Variants in CDK14 observed in about 807,000 individuals in gnomAD.
The protein encoded by CDK14 is cyclin-dependent kinase 14.
In CDK14, 34 loss-of-function variants were observed where a neutral mutation model predicts 60.7. The observed-to-expected ratio is 0.56, with a 90% confidence interval of 0.43 to 0.75. The LOEUF is 0.75. CDK14 is among the 30% of genes least tolerant of loss of function. The probability of loss-of-function intolerance (pLI) is 0.00; values close to 1 mark genes in which losing one functional copy is unlikely to be tolerated. For synonymous variants in CDK14, 197 were observed against 203.7 expected, an observed-to-expected ratio of 0.97 and a Z score of 0.28; for missense variants, 482 against 564.1, an observed-to-expected ratio of 0.85 and a Z score of 1.47.
intron 4 of CDK14, among the ~76,000 whole-genome samples, chr7:90,776,084 A>G (rs1300276222): frequency 1.3e-5 from 2 of 152,160 alleles, no homozygotes; most frequent in African/African-American, 4.8e-5. Flanking sequence ...GCCCTTCTCT[A>G]GTAATTTCAA....
At chr7:90,694,256 G>T (rs1801613035) in intron 2 of CDK14, among the ~76,000 whole-genome samples, 1 of 152,132 alleles carries the variant, frequency 6.6e-6, no homozygotes, top group South Asian at 2.1e-4. Context: ...AAAAAGTAAT[G>T]ATTACATTAT....
intron 5 of CDK14, among the ~76,000 whole-genome samples, chr7:90,854,428 A>G (rs1319918740): frequency 6.6e-6 from 1 of 152,178 alleles, no homozygotes; most frequent in East Asian, 1.9e-4. Flanking sequence ...CTGTGGTCCC[A>G]GCTGCTCAGG....
chr7:90,733,997 A>C (rs1297961967), intron 3 of CDK14, among the ~76,000 whole-genome samples: 1 of 152,160 alleles, frequency 6.6e-6, no homozygotes, highest in Non-Finnish European at 1.5e-5. Flanking sequence ...CTTGTAAGGC[A>C]GGCCTGGTGG....
intron 2 of CDK14, among the ~76,000 whole-genome samples, chr7:90,715,682 G>A (rs10281750): frequency 0.91 from 133,036 of 145,440 alleles, 60,926 homozygotes; most frequent in East Asian, 1. Context: ...TTTTTCTAGA[G>A]TAAGAGTTTT....
rs535277409 is a variant in CDK14 at position 90,755,803 on chromosome 7, C to G, written c.464+8028C>G. ...GGGTTGTGCCCCATATTTTAATTTTCTTTCCTAAAGAAAAATAGCAGTACT... is the reference window on the plus strand; with the variant it reads ...GGGTTGTGCCCCATATTTTAATTTTGTTTCCTAAAGAAAAATAGCAGTACT... On this transcript the variant is annotated intron_variant, in intron 4 of 14. Coordinates refer to ENST00000380050, the MANE Select transcript of CDK14 (RefSeq NM_001287135.2). Among the ~76,000 whole-genome samples the G allele has an allele frequency of 5.4e-4, 82 of 152,136 alleles. 1 individual carries two copies. Among genetic ancestry groups the G allele is most frequent in the Non-Finnish European group, 5.9e-5 (4 of 67,978 alleles).
At chr7:90,924,270 C>T (rs1793345405) in intron 8 of CDK14, among the ~76,000 whole-genome samples, 1 of 152,170 alleles carries the variant, frequency 6.6e-6, no homozygotes, top group Non-Finnish European at 1.5e-5. Flanking sequence ...TCTGTGATAA[C>T]CCATTAATAC....
intron 2 of CDK14, among the ~76,000 whole-genome samples, chr7:90,633,397 A>C (rs1186048966): frequency 1.3e-5 from 2 of 152,198 alleles, no homozygotes; most frequent in African/African-American, 2.4e-5. Flanking sequence ...AATTTCTTAG[A>C]TATATGCAAA....
chr7:90,625,278 C>T (rs1461229430), intron 2 of CDK14, among the ~76,000 whole-genome samples: 5 of 152,064 alleles, frequency 3.3e-5, no homozygotes, highest in Non-Finnish European at 2.9e-5. Context: ...AGTGCAAGGC[C>T]GAAGTGAGCT....
chr7:91,084,483 G>C (rs896812040), intron 12 of CDK14, among the ~76,000 whole-genome samples: 1 of 152,204 alleles, frequency 6.6e-6, no homozygotes, highest in East Asian at 1.9e-4. Flanking sequence ...AGAGATGACA[G>C]GCCTGCCTGC....
chr7:91,044,372 T>G (rs1299769197), intron 10 of CDK14, among the ~76,000 whole-genome samples: 1 of 152,130 alleles, frequency 6.6e-6, no homozygotes, highest in Non-Finnish European at 1.5e-5. Context: ...ACCAAAAGGG[T>G]GGAGACCAAG....
intron 2 of CDK14, among the ~76,000 whole-genome samples, chr7:90,696,890 G>A (rs1265370423): frequency 6.6e-6 from 1 of 152,114 alleles, no homozygotes; most frequent in Non-Finnish European, 1.5e-5. Flanking sequence ...ACGGGAGTGT[G>A]GTATTTGGAG....
chr7:91,125,130 G>A (rs1799903277), intron 14 of CDK14, among the ~76,000 whole-genome samples: 1 of 152,048 alleles, frequency 6.6e-6, no homozygotes, highest in Non-Finnish European at 1.5e-5. Context: ...GAGAAGGAAA[G>A]GCAAAAAGAA....
intron 12 of CDK14, among the ~76,000 whole-genome samples, chr7:91,080,295 C>G (rs932868406): frequency 6.6e-6 from 1 of 152,044 alleles, no homozygotes; most frequent in Non-Finnish European, 1.5e-5. Context: ...AAAAAAATAA[C>G]AAAAAACTTT....
intron 7 of CDK14, among the ~76,000 whole-genome samples, chr7:90,904,916 T>G (rs534938298): frequency 6.6e-6 from 1 of 152,286 alleles, no homozygotes; most frequent in Admixed American, 6.5e-5. Flanking sequence ...CTTGAAAATT[T>G]GGACACAGAA....
At chr7:90,719,271 C>T (rs1802360827) in intron 2 of CDK14, among the ~76,000 whole-genome samples, 1 of 152,110 alleles carries the variant, frequency 6.6e-6, no homozygotes, top group Non-Finnish European at 1.5e-5. Context: ...GTCTTTTAAA[C>T]CAATTCTTTT....
At chr7:90,643,766 A>G (rs765542652) in intron 2 of CDK14, among the ~76,000 whole-genome samples, 13 of 152,244 alleles carry the variant, frequency 8.5e-5, no homozygotes, top group Non-Finnish European at 7.3e-5. Flanking sequence ...AGCCAAGCCA[A>G]CAGCCCTACT....
chr7:90,784,618 G>C (rs1292380312), intron 4 of CDK14, among the ~76,000 whole-genome samples: 1 of 152,050 alleles, frequency 6.6e-6, no homozygotes, highest in African/African-American at 2.4e-5. Flanking sequence ...ACTTCTCTCT[G>C]TATTACTTTG....
At chr7:90,952,260 G>C (rs1368834122) in intron 8 of CDK14, among the ~76,000 whole-genome samples, 1 of 152,104 alleles carries the variant, frequency 6.6e-6, no homozygotes, top group South Asian at 2.1e-4. Flanking sequence ...ACTGTCCCGT[G>C]GTTTATTCTG....
At chr7:90,605,018 G>A (rs1799388956) in intron 2 of CDK14, among the ~76,000 whole-genome samples, 1 of 152,178 alleles carries the variant, frequency 6.6e-6, no homozygotes, top group South Asian at 2.1e-4. Context: ...AGGAACATGG[G>A]TGTTATCTAT....
Sources: gnomAD v4.1 joint callset for allele counts (sites outside exome capture counted in the v4.1 genomes callset) on GRCh38, gnomAD v4.1.1 for gene constraint, MANE v1.5 for transcripts, NCBI Gene and HGNC (gene_info 2026-07-23, HGNC 2026-07-21) for gene names.